The following TES variants were observed in gnomAD, a reference collection of about 807,000 sequenced individuals.
TES encodes the protein testin.
In TES, 41 loss-of-function variants were observed where a neutral mutation model predicts 48.2. The ratio of observed to expected loss-of-function variants is 0.85; its 90% CI spans 0.66 to 1.10. The LOEUF (loss-of-function observed/expected upper bound fraction) is 1.10, where lower values mean the gene tolerates loss of function less well. Among genes scored for constraint, TES ranks in the 50% least tolerant of loss-of-function variants. The pLI is 0.00. For missense variants in TES, 463 were observed against 515.1 expected (o/e 0.90, Z 0.98); for synonymous variants, 162 against 174.9 (o/e 0.93, Z 0.58).
chr7:116,215,300 GAAAT>G (rs1441035148), intron 1 of TES, among the ~76,000 whole-genome samples: 3 of 152,050 alleles, frequency 2.0e-5, no homozygotes, highest in African/African-American at 7.3e-5. Context: ...TATAAAAAGA[GAAAT>G]AAAATAAGGT....
chr7:116,220,857 G>A (rs1476471643), intron 1 of TES, among the ~76,000 whole-genome samples: 1 of 152,142 alleles, frequency 6.6e-6, no homozygotes, highest in Non-Finnish European at 1.5e-5. Flanking sequence ...GGGTTGTAAG[G>A]ATAATCGAGA....
intron 1 of TES, chr7:116,223,115 T>A: frequency 2.5e-6 from 1 of 397,374 alleles, no homozygotes; most frequent in Non-Finnish European, 3.4e-6. Context: ...GGAACCAGCT[T>A]AAACTGATCA....
chr7:116,250,224 C>T lies in TES; in HGVS notation c.430C>T (p.Gln144Ter), dbSNP rs777459111. 20 of 1,600,172 alleles carry T rather than the reference C, an allele frequency of 1.2e-5. No individual in the cohort carries two copies. Among genetic ancestry groups the T allele is most frequent in the Non-Finnish European group, 1.6e-5 (19 of 1,174,036 alleles). The change falls in exon 4 of 7, where the codon CAG (glutamine) becomes TAG (stop). Residue 144 changes from glutamine to a stop codon, truncating the protein, a stop_gained. Transcript: ENST00000358204. LOFTEE classifies it high-confidence loss of function. ...KQPVAGSEGA[Q>*]YRKKQLAKQL... ...GCCAGTAGCAGGCTCAGAGGGGGCA[C>T]AGTACCGGAAGAAGCAGCTGGCAAA... is the stretch of plus-strand genomic sequence containing the variant.
rs187429065 is a variant in TES at position 116,234,662 on chromosome 7, T to C, written c.113+43T>C. ...GCAACCACATTAGTAATTTATACTT[T>C]TTGCAATACTTCCTCAGACAGTGGA... On this transcript the variant is annotated intron_variant, in intron 2 of 6. Coordinates refer to ENST00000358204, the MANE Select transcript of TES (RefSeq NM_015641.4). 1.1e-5 allele frequency: 16 copies of C among 1,500,374 alleles called. No homozygotes were observed. In the East Asian group the frequency reaches 3.4e-4, roughly 32 times the overall value. The allele number at this position is 1,500,374 out of a possible 1,614,324, so 92.9% of individuals were successfully genotyped here.
At chr7:116,232,396 C>T (rs1799711440) in intron 1 of TES, among the ~76,000 whole-genome samples, 1 of 152,090 alleles carries the variant, frequency 6.6e-6, no homozygotes, top group Admixed American at 6.6e-5. Flanking sequence ...TTAAGCTAAG[C>T]TATGTGATTA....
chr7:116,236,672 AAG>A (rs1799776537), intron 2 of TES, among the ~76,000 whole-genome samples: 1 of 152,150 alleles, frequency 6.6e-6, no homozygotes, highest in Non-Finnish European at 1.5e-5. Flanking sequence ...GCTCATTCCT[AAG>A]AGATATCATC....
chr7:116,229,319 T>C (rs914202883), intron 1 of TES, among the ~76,000 whole-genome samples: 2 of 152,048 alleles, frequency 1.3e-5, no homozygotes, highest in Non-Finnish European at 2.9e-5. Context: ...AAGATTTGGA[T>C]GTCCAAGAAT....
intron 1 of TES, 156 bp downstream of exon 1, chr7:116,210,890 C>G: frequency 1.8e-6 from 1 of 548,374 alleles, no homozygotes. Context: ...ACCTGGCCCC[C>G]TGGGTAGAGG....
intron 1 of TES, among the ~76,000 whole-genome samples, chr7:116,233,080 G>A (rs1335805137): frequency 6.6e-6 from 1 of 152,184 alleles, no homozygotes; most frequent in Non-Finnish European, 1.5e-5. Flanking sequence ...ACACAGCTTG[G>A]TAAAGTTACA....
At chr7:116,251,414 G>A (rs1031427896) in intron 4 of TES, 39 of 223,660 alleles carry the variant, frequency 1.7e-4, no homozygotes, top group African/African-American at 8.5e-4. Context: ...TGGGCACAGT[G>A]GCTCACGCCT....
intron 2 of TES, among the ~76,000 whole-genome samples, chr7:116,242,712 TTC>T (rs1799866541): frequency 1.3e-5 from 2 of 152,212 alleles, no homozygotes; most frequent in African/African-American, 4.8e-5. Flanking sequence ...TGTAGATAAA[TTC>T]CATGATTTAT....
intron 1 of TES, chr7:116,211,085 G>T (rs1343938150): frequency 5.0e-6 from 1 of 201,106 alleles, no homozygotes; most frequent in East Asian, 1.1e-4. Flanking sequence ...ACGAGCTTAG[G>T]GCGAGTGCGG....
In TES at chr7:116,257,997, C is replaced by G. The variant is rs1403435296; in HGVS notation, c.*515C>G. 6.6e-6 allele frequency: 1 copy of G among 152,358 alleles called. No homozygotes were observed. The highest frequency in any genetic ancestry group is 1.5e-5 in the Non-Finnish European group (1 of 68,152). The allele number at this position is 152,358 out of a possible 1,614,324, so 9.4% of individuals were successfully genotyped here. On this transcript the variant is annotated 3_prime_UTR_variant, in exon 7 of 7. Transcript: ENST00000358204. ...GAGAAATGCAGTGTAGTATGCAGAGCTGCTGTTTTAATGCCTATGCATTTA... is the reference window on the plus strand; with the variant it reads ...GAGAAATGCAGTGTAGTATGCAGAGGTGCTGTTTTAATGCCTATGCATTTA...
chr7:116,250,440 C>G lies in TES; in HGVS notation c.646C>G (p.Pro216Ala), dbSNP rs200825576. 1.3e-6 allele frequency: 2 copies of G among 1,599,172 alleles called. No individual in the cohort carries two copies. Among genetic ancestry groups the G allele is most frequent in the East Asian group, 4.5e-5 (2 of 44,458 alleles). ...CATTCCTGGAGGGGATAGAAGCACC[C>G]CAGCAGCAGTGGGGGCCATGGAGGA... ...MNIPGGDRSTPAAVGAMEDKS... is the reference protein window; with the variant it reads ...MNIPGGDRSTAAAVGAMEDKS... The change falls in exon 4 of 7, where the codon CCA (proline) becomes GCA (alanine). Residue 216 changes from proline (P) to alanine (A), a missense_variant. Pro to Ala is a conservative substitution (Grantham distance 27, BLOSUM62 -1). Transcript: ENST00000358204.
chr7:116,229,571 G>A (rs1340222010), intron 1 of TES, among the ~76,000 whole-genome samples: 1 of 152,112 alleles, frequency 6.6e-6, no homozygotes, highest in Non-Finnish European at 1.5e-5. Flanking sequence ...GCCCAAAATA[G>A]GCCCTAAGAA....
intron 1 of TES, 49 bp downstream of exon 1, chr7:116,210,783 G>A: frequency 8.1e-7 from 1 of 1,229,750 alleles, no homozygotes. Flanking sequence ...TGCGCGGGTC[G>A]CGCGGCGCGC....
intron 6 of TES, among the ~76,000 whole-genome samples, chr7:116,256,820 T>A (rs1800106238): frequency 6.6e-6 from 1 of 152,234 alleles, no homozygotes; most frequent in Non-Finnish European, 1.5e-5. Flanking sequence ...AATTGAGTCC[T>A]TAATTACTTT....
chr7:116,249,302 A>T (rs1256238326), intron 3 of TES, 30 bp downstream of exon 3: 2 of 1,612,986 alleles, frequency 1.2e-6, no homozygotes, highest in Non-Finnish European at 1.7e-6. Flanking sequence ...GAGTTTCTTT[A>T]TTGAAGTTCC....
intron 1 of TES, among the ~76,000 whole-genome samples, chr7:116,219,700 C>G (rs570653569): frequency 1.3e-5 from 2 of 152,234 alleles, no homozygotes; most frequent in East Asian, 3.9e-4. Flanking sequence ...AATACTATTA[C>G]GTGGGAATGA....
Sources: gnomAD v4.1 joint callset for allele counts (sites outside exome capture counted in the v4.1 genomes callset) on GRCh38, gnomAD v4.1.1 for gene constraint, MANE v1.5 for transcripts, NCBI Gene and HGNC (gene_info 2026-07-23, HGNC 2026-07-21) for gene names.